The following TANK variants were observed in gnomAD, a reference collection of about 807,000 sequenced individuals.
The protein encoded by TANK is TRAF family member associated NFKB activator, also known as TRAF family member-associated NF-kappa-B activator.
In TANK, 15 loss-of-function variants were observed where a neutral mutation model predicts 43.6. That is an observed-to-expected ratio of 0.34 (90% CI 0.23 to 0.53). The LOEUF is 0.53. TANK is among the 20% of genes least tolerant of loss of function. TANK has a pLI of 0.94. For missense variants in TANK, 417 were observed against 498.6 expected (o/e 0.84, Z 1.56); for synonymous variants, 162 against 178.2 (o/e 0.91, Z 0.73).
intron 6 of TANK, chr2:161,227,266 G>GT (rs949009643): frequency 6.6e-6 from 1 of 152,180 alleles, no homozygotes; most frequent in Admixed American, 6.5e-5. Flanking sequence ...GAAAATATCT[G>GT]TTTTTTTAGA....
chr2:161,156,136 T>C, upstream of TANK: 2 of 985,454 alleles, frequency 2.0e-6, no homozygotes, highest in Non-Finnish European at 2.4e-6. Flanking sequence ...TTTACCCCAA[T>C]TTCTTCTTCA....
At chr2:161,224,077 T>C (rs1687487509) in intron 5 of TANK, 86 bp downstream of exon 5, 1 of 929,772 alleles carries the variant, frequency 1.1e-6, no homozygotes, top group Non-Finnish European at 1.6e-6. Context: ...GCTTTAACAA[T>C]TGCAAAAAAA....
intron 1 of TANK, among the ~76,000 whole-genome samples, chr2:161,147,287 C>T (rs1683940052): frequency 6.6e-6 from 1 of 152,206 alleles, no homozygotes; most frequent in Admixed American, 6.5e-5. Flanking sequence ...TGGCTACCAT[C>T]TCTCCCCCCA....
intron 2 of TANK, among the ~76,000 whole-genome samples, chr2:161,199,405 T>C (rs1328374117): frequency 6.6e-6 from 1 of 152,124 alleles, no homozygotes. Flanking sequence ...TTAAACTTTT[T>C]TTCCCCTATG....
At chr2:161,183,107 C>T (rs981921841) in intron 2 of TANK, among the ~76,000 whole-genome samples, 4 of 152,180 alleles carry the variant, frequency 2.6e-5, no homozygotes, top group African/African-American at 9.6e-5. Context: ...ACAGGAGCTA[C>T]ACAATTTCCT....
chr2:161,166,440 A>G (rs1461725857), intron 1 of TANK, among the ~76,000 whole-genome samples: 2 of 152,196 alleles, frequency 1.3e-5, no homozygotes, highest in African/African-American at 4.8e-5. Flanking sequence ...GTTCTCTTCC[A>G]TTTCCTTTCT....
intron 7 of TANK, among the ~76,000 whole-genome samples, chr2:161,234,178 C>G (rs950975741): frequency 6.6e-6 from 1 of 152,064 alleles, no homozygotes; most frequent in Non-Finnish European, 1.5e-5. Flanking sequence ...TCGTGAAATC[C>G]AAGTGCTTCC....
intron 1 of TANK, chr2:161,137,286 G>C: frequency 2.1e-6 from 2 of 975,576 alleles, no homozygotes; most frequent in Middle Eastern, 1.1e-3. Flanking sequence ...CACTTTGGGA[G>C]GCCAAGGTAA....
Position 161,203,604 on chromosome 2 carries a change from A to G in TANK, c.208+9A>G. The G allele has an allele frequency of 1.3e-6, 2 of 1,565,888 alleles. No homozygotes were observed. Among genetic ancestry groups the G allele is most frequent in the Non-Finnish European group, 1.7e-6 (2 of 1,146,724 alleles). On this transcript the variant is annotated intron_variant, in intron 3 of 7. Coordinates refer to ENST00000392749, the MANE Select transcript of TANK (RefSeq NM_001199135.3). ...TGTGAATTCCACTCAAGGTATGTTCATGTTAATTTTTTATGTATTTCTAGA... is the reference window on the plus strand; with the variant it reads ...TGTGAATTCCACTCAAGGTATGTTCGTGTTAATTTTTTATGTATTTCTAGA...
At chr2:161,202,247 T>G (rs1417228066) in intron 2 of TANK, among the ~76,000 whole-genome samples, 4 of 144,074 alleles carry the variant, frequency 2.8e-5, no homozygotes, top group East Asian at 2.1e-4. Flanking sequence ...TGGAGTGCAG[T>G]GGTGTGATCT....
intron 4 of TANK, among the ~76,000 whole-genome samples, chr2:161,217,808 A>G (rs926838713): frequency 6.6e-6 from 1 of 152,096 alleles, no homozygotes; most frequent in Non-Finnish European, 1.5e-5. Flanking sequence ...ACCCAGTTAT[A>G]AGAGAACAGA....
At chr2:161,177,718 A>T (rs1225167220) in intron 1 of TANK, among the ~76,000 whole-genome samples, 2 of 152,164 alleles carry the variant, frequency 1.3e-5, no homozygotes, top group Non-Finnish European at 2.9e-5. Context: ...GTCAGAGGAC[A>T]CTATCAAGAA....
At chr2:161,211,274 C>T (rs1206338198) in intron 4 of TANK, among the ~76,000 whole-genome samples, 1 of 152,150 alleles carries the variant, frequency 6.6e-6, no homozygotes, top group Non-Finnish European at 1.5e-5. Context: ...GATGGCATTC[C>T]CATCCTTACA....
rs1180447345 is a variant in TANK at position 161,231,333 on chromosome 2, C to A, written c.883C>A (p.Pro295Thr). ...ETLFEIQGID[P>T]IASAIQNLKT... is the part of the protein sequence containing the mutation. ...TTTATTTGAAATTCAGGGAATTGACCCCATAGCTTCAGCTATACAAAACCT... is the reference window on the plus strand; with the variant it reads ...TTTATTTGAAATTCAGGGAATTGACACCATAGCTTCAGCTATACAAAACCT... Residue 295 changes from proline to threonine, a missense_variant, in exon 7 of 8, where the codon CCC becomes ACC. Coordinates refer to ENST00000392749, the MANE Select transcript of TANK (RefSeq NM_001199135.3). 6.2e-7 allele frequency: 1 copy of A among 1,614,098 alleles called. No homozygotes were observed. The highest frequency in any genetic ancestry group is 1.1e-5 in the South Asian group (1 of 91,080).
chr2:161,212,451 A>G (rs1360992913), intron 4 of TANK: 1 of 984,170 alleles, frequency 1.0e-6, no homozygotes, highest in Non-Finnish European at 1.2e-6. Context: ...TGTGTTTCCA[A>G]TCTAAATTAT....
At chr2:161,160,282 G>C (rs1218269501), upstream of TANK, 1 of 464,726 alleles carries the variant, frequency 2.2e-6, no homozygotes, top group East Asian at 3.6e-5. Flanking sequence ...TAGGCGGGGC[G>C]GGCAGGGGCG....
At chr2:161,232,082 C>G (rs1687937001) in intron 7 of TANK, among the ~76,000 whole-genome samples, 2 of 152,100 alleles carry the variant, frequency 1.3e-5, no homozygotes, top group Non-Finnish European at 2.9e-5. Context: ...GTTTTGGTTG[C>G]TAATCTGGAA....
At chr2:161,232,342 C>T (rs79581312) in intron 7 of TANK, among the ~76,000 whole-genome samples, 3,456 of 152,214 alleles carry the variant, frequency 0.023, 58 homozygotes, top group Non-Finnish European at 0.035. Flanking sequence ...ATGTAAATGT[C>T]TATGTAACTT....
At position 161,235,532 on chromosome 2, in the gene TANK, A is replaced by G; in HGVS notation, c.*14A>G. The G allele has an allele frequency of 6.2e-7, 1 of 1,603,592 alleles. No individual in the cohort carries two copies. Among genetic ancestry groups the G allele is most frequent in the Non-Finnish European group, 8.5e-7 (1 of 1,175,028 alleles). Reference sequence around the variant, plus strand: ...GGAGAGACTTAAGACACATTTGAAAACAGACATATCAAGTTCTATGTGATG... The same window carrying G: ...GGAGAGACTTAAGACACATTTGAAAGCAGACATATCAAGTTCTATGTGATG... On this transcript the variant is annotated 3_prime_UTR_variant, in exon 8 of 8. Transcript: ENST00000392749.
Sources: allele counts gnomAD v4.1 joint callset (sites outside exome capture counted in the v4.1 genomes callset), GRCh38; gene constraint gnomAD v4.1.1; transcripts MANE v1.5; gene names NCBI Gene and HGNC (gene_info 2026-07-23, HGNC 2026-07-21).